TMPRSS15: variants seen among roughly 807,000 people sequenced by gnomAD.
The protein encoded by TMPRSS15 is enteropeptidase.
Under a neutral mutation model 125.3 loss-of-function variants are expected in TMPRSS15, and 128 were observed. The observed-to-expected ratio is 1.02, with a 90% CI of 0.89 to 1.18. The LOEUF is 1.18. Among genes scored for constraint, TMPRSS15 ranks in the 50% most tolerant of loss-of-function variants. The pLI, the probability that TMPRSS15 is intolerant of heterozygous loss-of-function variation, is 0.00. For missense variants in TMPRSS15, 1,283 were observed against 1,212.7 expected (o/e 1.06, Z -0.86); for synonymous variants, 446 against 423.2 (o/e 1.05, Z -0.66).
intron 3 of TMPRSS15, among the ~76,000 whole-genome samples, chr21:18,393,226 T>C (rs765280748): frequency 1.3e-5 from 2 of 151,974 alleles, no homozygotes; most frequent in Non-Finnish European, 2.9e-5. Flanking sequence ...GAGTGAGATA[T>C]GAAGATGGAG....
intron 21 of TMPRSS15, among the ~76,000 whole-genome samples, chr21:18,286,805 G>A (rs190298433): frequency 6.6e-6 from 1 of 152,092 alleles, no homozygotes; most frequent in Non-Finnish European, 1.5e-5. Flanking sequence ...TCCAGGGCTC[G>A]ATCCATAGTT....
chr21:18,474,278 A>G (rs1978834379), intron 1 of TMPRSS15, among the ~76,000 whole-genome samples: 1 of 151,766 alleles, frequency 6.6e-6, no homozygotes, highest in Non-Finnish European at 1.5e-5. Context: ...GATATTAAAA[A>G]AGATATACAT....
rs17002547 is a variant in TMPRSS15, at chr21:18,306,625, A to G, written c.2165+6320T>C. Among the ~76,000 whole-genome samples the G allele has an allele frequency of 5.2e-3, 799 of 152,244 alleles. 3 individuals carry two copies. The highest frequency in any genetic ancestry group is 0.019 in the African/African-American group (771 of 41,550). On this transcript the variant is annotated intron_variant, in intron 18 of 24. Transcript: ENST00000284885. ...ACAAATAACTAACTCCACTTTTGAG[A>G]TATTAGTATTTCCTAAATTCTCTAA...
At chr21:18,326,106 A>C (rs772664261) in intron 16 of TMPRSS15, among the ~76,000 whole-genome samples, 1 of 152,108 alleles carries the variant, frequency 6.6e-6, no homozygotes, top group African/African-American at 2.4e-5. Context: ...TATGGGAAAC[A>C]TGACAGTCTT....
chr21:18,464,824 C>A (rs2122954935), intron 1 of TMPRSS15, among the ~76,000 whole-genome samples: 5 of 152,108 alleles, frequency 3.3e-5, no homozygotes, highest in African/African-American at 4.8e-5. Flanking sequence ...CAATTTCTAC[C>A]AGAGGTACAA....
rs1047999444 is a variant in TMPRSS15, at chr21:18,294,383, G to A, written c.2373C>T (p.Ala791=). Residue 791 remains alanine, a synonymous_variant, in exon 21 of 25, where the codon GCC becomes GCT. Coordinates refer to ENST00000284885, the MANE Select transcript of TMPRSS15 (RefSeq NM_002772.3). ...ITPKIVGGSN[A]KEGAWPWVVG... ...CAACCCAGGGCCAGGCCCCTTCTTT[G>A]GCATTACTTCCTCCAACAATCTTTG... 6.2e-7 allele frequency: 1 copy of A among 1,614,218 alleles called. No individual in the cohort carries two copies. The highest frequency in any genetic ancestry group is 8.5e-7 in the Non-Finnish European group (1 of 1,180,038).
At chr21:18,367,145 T>C (rs1484988531) in intron 6 of TMPRSS15, among the ~76,000 whole-genome samples, 2 of 151,984 alleles carry the variant, frequency 1.3e-5, no homozygotes, top group Non-Finnish European at 2.9e-5. Flanking sequence ...TTTGGTAACC[T>C]GATTTCCAGA....
At chr21:18,458,347 G>A (rs139191704) in intron 1 of TMPRSS15, among the ~76,000 whole-genome samples, 17 of 152,188 alleles carry the variant, frequency 1.1e-4, no homozygotes, top group South Asian at 2.1e-4. Context: ...GGAAATTTTC[G>A]TTCTTTTAGA....
chr21:18,460,241 C>T (rs951706324), intron 1 of TMPRSS15, among the ~76,000 whole-genome samples: 13 of 151,888 alleles, frequency 8.6e-5, no homozygotes, highest in African/African-American at 2.9e-4. Context: ...AGAATGAGTT[C>T]AATATTTCAC....
At chr21:18,391,721 G>T (rs751865099) in intron 3 of TMPRSS15, among the ~76,000 whole-genome samples, 3 of 152,200 alleles carry the variant, frequency 2.0e-5, no homozygotes, top group Non-Finnish European at 4.4e-5. Flanking sequence ...GCCCAGGGGG[G>T]ACTCTGTGTG....
chr21:18,401,855 T>C (rs1255498903), intron 1 of TMPRSS15, among the ~76,000 whole-genome samples: 14 of 152,258 alleles, frequency 9.2e-5, no homozygotes, highest in Admixed American at 9.2e-4. Context: ...CACTTATAAA[T>C]ATTTATTTTC....
upstream of TMPRSS15, among the ~76,000 whole-genome samples, chr21:18,404,135 A>G (rs1198839913): frequency 6.6e-6 from 1 of 152,224 alleles, no homozygotes; most frequent in Admixed American, 6.5e-5. Flanking sequence ...TTAGGTGCAG[A>G]TGTATATAAA....
intron 1 of TMPRSS15, among the ~76,000 whole-genome samples, chr21:18,432,760 T>A (rs2076218876): frequency 1.3e-5 from 2 of 152,230 alleles, no homozygotes; most frequent in South Asian, 4.2e-4. Flanking sequence ...AGATAAGAAA[T>A]TTCTGTTGTT....
At chr21:18,435,665 C>T (rs368008784) in intron 1 of TMPRSS15, among the ~76,000 whole-genome samples, 27 of 151,896 alleles carry the variant, frequency 1.8e-4, no homozygotes, top group Admixed American at 1.3e-3. Context: ...TAGGGAGGAT[C>T]CCCTCTTTTT....
At chr21:18,281,965 T>C (rs112897877) in intron 21 of TMPRSS15, among the ~76,000 whole-genome samples, 7,306 of 151,210 alleles carry the variant, frequency 0.048, 481 homozygotes, top group African/African-American at 0.15. Context: ...GGCGTGGTGG[T>C]GGGCGCCTGT....
intron 24 of TMPRSS15, among the ~76,000 whole-genome samples, chr21:18,271,296 A>ATTAT (rs2074552549): frequency 6.6e-6 from 1 of 152,250 alleles, no homozygotes; most frequent in South Asian, 2.1e-4. Context: ...TGACTTGGAA[A>ATTAT]TTATTAAAAA....
At chr21:18,436,718 G>T (rs978711627) in intron 1 of TMPRSS15, among the ~76,000 whole-genome samples, 1 of 149,652 alleles carries the variant, frequency 6.7e-6, no homozygotes, top group Non-Finnish European at 1.5e-5. Context: ...AAATACCTAG[G>T]AATCCACCTT....
chr21:18,420,367 A>C (rs941017332), intron 1 of TMPRSS15, among the ~76,000 whole-genome samples: 1 of 152,182 alleles, frequency 6.6e-6, no homozygotes, highest in African/African-American at 2.4e-5. Context: ...GCTAGGTGGC[A>C]GTTTGTGGTT....
At chr21:18,411,505 ATT>A (rs2076165936) in intron 1 of TMPRSS15, among the ~76,000 whole-genome samples, 1 of 152,078 alleles carries the variant, frequency 6.6e-6, no homozygotes, top group African/African-American at 2.4e-5. Flanking sequence ...TTTCCCTGAG[ATT>A]TGTTTCAGAT....
Sources: allele counts gnomAD v4.1 joint callset (sites outside exome capture counted in the v4.1 genomes callset), GRCh38; gene constraint gnomAD v4.1.1; transcripts MANE v1.5; gene names NCBI Gene and HGNC (gene_info 2026-07-23, HGNC 2026-07-21).